The following KPNA6 variants were observed in gnomAD, a reference collection of about 807,000 sequenced individuals.
KPNA6 encodes the protein karyopherin subunit alpha 6.
A neutral mutation model predicts 72.0 loss-of-function variants in KPNA6; 9 were observed. That is an observed-to-expected ratio of 0.13 (90% CI 0.08 to 0.22). The LOEUF is 0.22. Ranked by LOEUF, KPNA6 falls within the 10% of genes least tolerant of loss-of-function variation. The pLI is 1.00. For missense variants in KPNA6, 374 were observed against 655.7 expected, an observed-to-expected ratio of 0.57 and a Z score of 4.69; for synonymous variants, 219 against 242.1, an observed-to-expected ratio of 0.90 and a Z score of 0.89.
At chr1:32,136,531 T>C (rs534123186) in intron 1 of KPNA6, among the ~76,000 whole-genome samples, 30 of 152,276 alleles carry the variant, frequency 2.0e-4, no homozygotes, top group Middle Eastern at 3.4e-3. Flanking sequence ...GTTAGTCATA[T>C]GTAGGTCTCA....
chr1:32,111,685 C>G (rs1641245025), intron 1 of KPNA6, among the ~76,000 whole-genome samples: 1 of 152,190 alleles, frequency 6.6e-6, no homozygotes, highest in Non-Finnish European at 1.5e-5. Flanking sequence ...CCTGCCTTCA[C>G]ATGCCCACAA....
chr1:32,116,467 T>C (rs1034855976), intron 1 of KPNA6, among the ~76,000 whole-genome samples: 3 of 152,096 alleles, frequency 2.0e-5, no homozygotes, highest in Non-Finnish European at 4.4e-5. Flanking sequence ...AAGATCAGCC[T>C]GACTAACATG....
chr1:32,149,475 C>T (rs1641990968), intron 1 of KPNA6, among the ~76,000 whole-genome samples: 1 of 152,186 alleles, frequency 6.6e-6, no homozygotes, highest in Admixed American at 6.5e-5. Flanking sequence ...GTCCTATCAT[C>T]TTGGCCTCCC....
chr1:32,171,296 C>T lies in KPNA6; in HGVS notation c.*402C>T, dbSNP rs868756450. On this transcript the variant is annotated 3_prime_UTR_variant, in exon 14 of 14. Transcript: ENST00000373625. ...TCCCTTTATCTTTTTTCATTCTTCC[C>T]GGTCCTCTGCCCTGATCTGTGTAAC... The T allele has an allele frequency of 6.2e-5, 11 of 177,130 alleles. No individual in the cohort carries two copies. Among genetic ancestry groups the T allele is most frequent in the South Asian group, 3.8e-4 (3 of 7,968 alleles). 11.0% of individuals were successfully genotyped at this position (177,130 alleles called of 1,614,324 possible).
chr1:32,131,193 C>T (rs1641629876), intron 1 of KPNA6, among the ~76,000 whole-genome samples: 1 of 152,158 alleles, frequency 6.6e-6, no homozygotes, highest in African/African-American at 2.4e-5. Context: ...ACTCGGGAGG[C>T]CGAGGCAGGA....
At chr1:32,114,132 G>A (rs1055659939) in intron 1 of KPNA6, among the ~76,000 whole-genome samples, 1 of 152,078 alleles carries the variant, frequency 6.6e-6, no homozygotes, top group Non-Finnish European at 1.5e-5. Flanking sequence ...AATGGATGTT[G>A]TATTAACAGG....
intron 10 of KPNA6, 121 bp downstream of exon 10, chr1:32,163,434 A>T: frequency 4.3e-6 from 3 of 693,780 alleles, no homozygotes. Context: ...CTATGGTCTA[A>T]GGAAGTAAGT....
At chr1:32,122,697 T>A (rs2124527647) in intron 1 of KPNA6, among the ~76,000 whole-genome samples, 1 of 152,262 alleles carries the variant, frequency 6.6e-6, no homozygotes, top group East Asian at 1.9e-4. Flanking sequence ...GGCTCATGCC[T>A]GTAATCCTAG....
In KPNA6 at chr1:32,172,899, A is replaced by G. The variant is rs1054061153; in HGVS notation, c.*2005A>G. The stretch of plus-strand genomic sequence containing the variant: ...TCCATGCCCTTCTGCTTATAGACCT[A>G]AAGTTCAGGTACTTATTATTGGCCA... On this transcript the variant is annotated 3_prime_UTR_variant, in exon 14 of 14. Transcript: ENST00000373625. The G allele has an allele frequency of 2.5e-6, 1 of 394,654 alleles. No individual in the cohort carries two copies. The highest frequency in any genetic ancestry group is 4.4e-5 in the Admixed American group (1 of 22,584). 24.4% of individuals were successfully genotyped at this position (394,654 alleles called of 1,614,324 possible).
At chr1:32,163,124 A>T (rs186796322) in intron 9 of KPNA6, 111 bp from the exon 10 acceptor site, 1 of 699,358 alleles carries the variant, frequency 1.4e-6, no homozygotes, top group African/African-American at 1.8e-5. Flanking sequence ...GAAAAAAGAA[A>T]AAAAAAGGGT....
chr1:32,166,156 C>A lies in KPNA6; in HGVS notation c.1042C>A (p.Pro348Thr), dbSNP rs1471590531. 6.2e-7 allele frequency: 1 copy of A among 1,614,060 alleles called. No homozygotes were observed. The highest frequency in any genetic ancestry group is 1.7e-5 in the Admixed American group (1 of 60,022). Residue 348 changes from proline (P) to threonine (T), a missense_variant, in exon 11 of 14, where the codon CCC becomes ACC. This residue lies in a region of KPNA6 where 298 missense variants were observed against 495.4 expected (regional missense o/e 0.60). Coordinates refer to ENST00000373625, the MANE Select transcript of KPNA6 (RefSeq NM_012316.5). ...TTGCCTTCTCCACTTGTTGAGCAGT[C>A]CCAAGGAGTCAATCCGGAAGGAAGC... The part of the protein sequence containing the change: ...LPCLLHLLSS[P>T]KESIRKEACW...
At chr1:32,155,234 T>C (rs1322323853) in intron 2 of KPNA6, among the ~76,000 whole-genome samples, 1 of 151,876 alleles carries the variant, frequency 6.6e-6, no homozygotes, top group Non-Finnish European at 1.5e-5. Context: ...TTATCCCCTT[T>C]TCACAAGTTA....
chr1:32,126,568 A>G (rs1019365299), intron 1 of KPNA6, among the ~76,000 whole-genome samples: 3 of 151,976 alleles, frequency 2.0e-5, no homozygotes, highest in Non-Finnish European at 4.4e-5. Flanking sequence ...TATTTTTAGT[A>G]GAGACGAGGT....
chr1:32,128,424 T>TATATAC (rs1557462693), intron 1 of KPNA6, among the ~76,000 whole-genome samples: 2 of 113,248 alleles, frequency 1.8e-5, no homozygotes, highest in African/African-American at 3.8e-5. Flanking sequence ...TATATATATA[T>TATATAC]ATACACACAC....
At chr1:32,138,001 G>C (rs1641767648) in intron 1 of KPNA6, among the ~76,000 whole-genome samples, 1 of 151,830 alleles carries the variant, frequency 6.6e-6, no homozygotes, top group Admixed American at 6.6e-5. Flanking sequence ...TGGGCATGGT[G>C]GTGGGCAACT....
chr1:32,167,598 A>G (rs908579310), intron 12 of KPNA6, among the ~76,000 whole-genome samples: 1 of 152,112 alleles, frequency 6.6e-6, no homozygotes, highest in African/African-American at 2.4e-5. Context: ...TATCCAACAG[A>G]GAACTGAAAT....
intron 1 of KPNA6, among the ~76,000 whole-genome samples, chr1:32,114,597 T>C (rs1641297221): frequency 6.6e-6 from 1 of 152,116 alleles, no homozygotes; most frequent in Admixed American, 6.6e-5. Context: ...TAATTGAGCA[T>C]TGACTTCAAC....
intron 1 of KPNA6, among the ~76,000 whole-genome samples, chr1:32,114,783 T>C (rs905433020): frequency 6.6e-6 from 1 of 152,228 alleles, no homozygotes. Flanking sequence ...CTTTCATTAA[T>C]GATCTTAGCT....
chr1:32,148,957 TG>T (rs1363032977), intron 1 of KPNA6, among the ~76,000 whole-genome samples: 1 of 152,044 alleles, frequency 6.6e-6, no homozygotes, highest in East Asian at 1.9e-4. Flanking sequence ...CCTCCAAAAT[TG>T]CTGGGATTAC....
Sources: gnomAD v4.1 joint callset for allele counts (sites outside exome capture counted in the v4.1 genomes callset) on GRCh38, gnomAD v4.1.1 for gene constraint, gnomAD v4.1.1 regional missense constraint, MANE v1.5 for transcripts, NCBI Gene and HGNC (gene_info 2026-07-23, HGNC 2026-07-21) for gene names.